The following TP63 variants were observed in gnomAD, a reference collection of about 807,000 sequenced individuals.
The protein encoded by TP63 is tumor protein 63.
TP63 carries 17 observed loss-of-function variants against 82.8 expected under a neutral mutation model. The ratio of observed to expected loss-of-function variants is 0.21; its 90% CI spans 0.14 to 0.31. TP63 has a LOEUF of 0.31. TP63 is among the 10% of genes least tolerant of loss of function. The probability of loss-of-function intolerance (pLI) is 1.00; values close to 1 mark genes in which losing one functional copy is unlikely to be tolerated. For missense variants in TP63, 648 were observed against 895.3 expected, an observed-to-expected ratio of 0.72 and a Z score of 3.52; for synonymous variants, 330 against 321.7, an observed-to-expected ratio of 1.03 and a Z score of -0.28.
chr3:189,838,000 AC>A (rs1353692833), intron 4 of TP63, among the ~76,000 whole-genome samples: 2 of 152,146 alleles, frequency 1.3e-5, no homozygotes, highest in Non-Finnish European at 2.9e-5. Context: ...TTATCTGGTA[AC>A]CCCATTCCCA....
chr3:189,786,079 T>C (rs1724578506), intron 3 of TP63, among the ~76,000 whole-genome samples: 1 of 151,954 alleles, frequency 6.6e-6, no homozygotes, highest in African/African-American at 2.4e-5. Context: ...CATAGGGATG[T>C]CAAATGGAGC....
chr3:189,747,151 A>T (rs1721443965), intron 3 of TP63, among the ~76,000 whole-genome samples: 1 of 152,116 alleles, frequency 6.6e-6, no homozygotes, highest in Non-Finnish European at 1.5e-5. Flanking sequence ...GTACAGTAAT[A>T]GTTGGGAACT....
Position 189,744,468 on chromosome 3 carries a change from C to T in TP63, c.324+5694C>T, listed in dbSNP as rs1013824958. Among the ~76,000 whole-genome samples the T allele has an allele frequency of 3.9e-5, 6 of 152,128 alleles. No individual in the cohort carries two copies. In the East Asian group the frequency reaches 1.2e-3, roughly 29 times the overall value. Reference sequence around the variant, plus strand: ...CCCAACTTGGCCCTACCCCTCAGTGCCCAGGAACACCATCCAGGGGCCTGA... The same window carrying T: ...CCCAACTTGGCCCTACCCCTCAGTGTCCAGGAACACCATCCAGGGGCCTGA... On this transcript the variant is annotated intron_variant, in intron 3 of 13. Coordinates refer to ENST00000264731, the MANE Select transcript of TP63 (RefSeq NM_003722.5).
chr3:189,675,371 A>G (rs547591137), intron 1 of TP63, among the ~76,000 whole-genome samples: 2 of 152,240 alleles, frequency 1.3e-5, no homozygotes, highest in East Asian at 3.9e-4. Flanking sequence ...TAATCATGAT[A>G]CAAAATAGAA....
rs894664023 is a variant in TP63 at position 189,647,487 on chromosome 3, G to A, written c.62+15910G>A. 2.0e-5 allele frequency among the ~76,000 whole-genome samples: 3 copies of A among 146,742 alleles called. 1 individual carries two copies. The highest frequency in any genetic ancestry group is 7.7e-5 in the African/African-American group (3 of 39,138). Reference sequence around the variant, plus strand: ...GTCCAACTCAACAGGTCCTCCTCTGGTGCCTTCTTCAGTCATACACAATGA... The same window carrying A: ...GTCCAACTCAACAGGTCCTCCTCTGATGCCTTCTTCAGTCATACACAATGA... On this transcript the variant is annotated intron_variant, in intron 1 of 13. Coordinates refer to ENST00000264731, the MANE Select transcript of TP63 (RefSeq NM_003722.5).
intron 1 of TP63, among the ~76,000 whole-genome samples, chr3:189,692,196 A>T (rs1322992810): frequency 2.6e-5 from 4 of 152,204 alleles, no homozygotes; most frequent in Non-Finnish European, 4.4e-5. Flanking sequence ...TCTTCTTAAA[A>T]GTTATTTCCA....
intron 3 of TP63, among the ~76,000 whole-genome samples, chr3:189,771,500 ATATAT>A (rs67043756): frequency 0.09 from 12,915 of 143,928 alleles, 614 homozygotes; most frequent in Admixed American, 0.11. Context: ...TAATATATAA[ATATAT>A]TAAATATATA....
rs1291298863 is a variant in TP63, at chr3:189,897,162, CT to C, written c.*2662del. The C allele has an allele frequency of 4.5e-6, 1 of 221,054 alleles. No homozygotes were observed. Among genetic ancestry groups the C allele is most frequent in the Non-Finnish European group, 9.1e-6 (1 of 110,222 alleles). The allele number at this position is 221,054 out of a possible 1,614,324, so 13.7% of individuals were successfully genotyped here. On this transcript the variant is annotated 3_prime_UTR_variant, in exon 14 of 14. Transcript: ENST00000264731. ...CATTTTTTAAGCTTCAGTTGCTTGT[CT>C]TCTGGTACTTTCTGTTATGGGCTTT...
intron 3 of TP63, among the ~76,000 whole-genome samples, chr3:189,766,090 A>G (rs1024465409): frequency 2.6e-5 from 4 of 152,114 alleles, no homozygotes; most frequent in Non-Finnish European, 5.9e-5. Context: ...AGTCCCAGCT[A>G]CTTGGGAGGC....
At chr3:189,864,085 C>T in intron 4 of TP63, 147 bp from the exon 5 acceptor site, 3 of 988,668 alleles carry the variant, frequency 3.0e-6, no homozygotes, top group Non-Finnish European at 3.2e-6. Flanking sequence ...ATAACATTGA[C>T]ATACGTCACA....
intron 1 of TP63, among the ~76,000 whole-genome samples, chr3:189,736,110 A>G (rs903683929): frequency 5.4e-5 from 8 of 148,784 alleles, no homozygotes; most frequent in Non-Finnish European, 8.9e-5. Flanking sequence ...CATATCATTT[A>G]TGAATATTTT....
chr3:189,742,371 C>A (rs1721060810), intron 3 of TP63, among the ~76,000 whole-genome samples: 1 of 151,876 alleles, frequency 6.6e-6, no homozygotes, highest in Non-Finnish European at 1.5e-5. Flanking sequence ...AAAGTTCTCC[C>A]AGATTGATTG....
intron 1 of TP63, among the ~76,000 whole-genome samples, chr3:189,695,756 C>G (rs1490603455): frequency 1.3e-5 from 2 of 152,192 alleles, no homozygotes; most frequent in Non-Finnish European, 2.9e-5. Context: ...CTCATACACG[C>G]ATCATCCATT....
chr3:189,720,105 G>A (rs748019937), intron 1 of TP63, among the ~76,000 whole-genome samples: 46 of 152,022 alleles, frequency 3.0e-4, no homozygotes, highest in Non-Finnish European at 5.9e-4. Context: ...AGCAAGCTCG[G>A]CCCACAAGGT....
chr3:189,851,684 T>G (rs1715651630), intron 4 of TP63, among the ~76,000 whole-genome samples: 1 of 152,146 alleles, frequency 6.6e-6, no homozygotes, highest in African/African-American at 2.4e-5. Flanking sequence ...GTCCCCCTGC[T>G]AGCTTGGTGC....
chr3:189,729,887 T>A (rs1351032075), intron 1 of TP63, among the ~76,000 whole-genome samples: 1 of 152,196 alleles, frequency 6.6e-6, no homozygotes, highest in Non-Finnish European at 1.5e-5. Flanking sequence ...CTAAAAGGCA[T>A]CAAGGTATTC....
intron 3 of TP63, among the ~76,000 whole-genome samples, chr3:189,779,634 A>C (rs1724075068): frequency 1.3e-5 from 2 of 152,238 alleles, no homozygotes; most frequent in African/African-American, 4.8e-5. Flanking sequence ...TCTGTGACAG[A>C]GTAACCTGTG....
intron 13 of TP63, 116 bp downstream of exon 13, chr3:189,890,998 A>G (rs1477896000): frequency 2.2e-6 from 2 of 920,062 alleles, no homozygotes; most frequent in Non-Finnish European, 3.4e-6. Flanking sequence ...CATGCCCCCA[A>G]TTATCCATTT....
chr3:189,865,393 G>A (rs1338508762), intron 5 of TP63, among the ~76,000 whole-genome samples: 1 of 152,108 alleles, frequency 6.6e-6, no homozygotes, highest in East Asian at 1.9e-4. Context: ...CAACAATTTA[G>A]CAGAAAAGGT....
Sources: gnomAD v4.1 joint callset for allele counts (sites outside exome capture counted in the v4.1 genomes callset) on GRCh38, gnomAD v4.1.1 for gene constraint, MANE v1.5 for transcripts, NCBI Gene and HGNC (gene_info 2026-07-23, HGNC 2026-07-21) for gene names.